Variants in RBFOX1 observed in about 807,000 individuals in gnomAD.
RBFOX1 encodes the protein RNA binding fox-1 homolog 1, also known as RNA binding protein fox-1 homolog 1.
A neutral mutation model predicts 57.7 loss-of-function variants in RBFOX1; 8 were observed. The observed-to-expected ratio is 0.14, with a 90% CI of 0.08 to 0.25. The LOEUF (loss-of-function observed/expected upper bound fraction) is 0.25, where lower values mean the gene tolerates loss of function less well. Among genes scored for constraint, RBFOX1 ranks in the 10% least tolerant of loss-of-function variants. The probability of loss-of-function intolerance (pLI) is 1.00; values close to 1 mark genes in which losing one functional copy is unlikely to be tolerated. For missense variants in RBFOX1, 611 were observed against 548.5 expected (o/e 1.11, Z -1.14); for synonymous variants, 326 against 222.4 (o/e 1.47, Z -4.15).
At chr16:5,875,293 A>G (rs1331711604) in intron 4 of RBFOX1, among the ~76,000 whole-genome samples, 1 of 152,222 alleles carries the variant, frequency 6.6e-6, no homozygotes, top group Non-Finnish European at 1.5e-5. Flanking sequence ...AACTTACTCA[A>G]AAATAGTGGG....
At chr16:7,286,047 G>A (rs1311239971) in intron 4 of RBFOX1, among the ~76,000 whole-genome samples, 1 of 152,030 alleles carries the variant, frequency 6.6e-6, no homozygotes, top group Non-Finnish European at 1.5e-5. Context: ...CAGCATACTG[G>A]GAACACTGTA....
chr16:6,655,392 AAAAAAAAAAAAGAG>A (rs2098642077), intron 3 of RBFOX1, among the ~76,000 whole-genome samples: 1 of 137,452 alleles, frequency 7.3e-6, no homozygotes, highest in Non-Finnish European at 1.6e-5. Context: ...AAAAAAAAAA[AAAAAAAAAAAAGAG>A]CTCGCGCTCA....
At chr16:5,446,433 C>T (rs28734822) in intron 1 of RBFOX1, among the ~76,000 whole-genome samples, 28,596 of 151,996 alleles carry the variant, frequency 0.19, 3,173 homozygotes, top group African/African-American at 0.31. Context: ...CTCAGTTTAT[C>T]TCAAAGAATT....
chr16:7,673,714 A>G (rs924643902), intron 13 of RBFOX1, among the ~76,000 whole-genome samples: 5 of 152,222 alleles, frequency 3.3e-5, no homozygotes, highest in African/African-American at 1.2e-4. Context: ...AAGATGCACA[A>G]TGACAATTTG....
chr16:5,345,642 T>C (rs747529349), intron 1 of RBFOX1, among the ~76,000 whole-genome samples: 7 of 152,216 alleles, frequency 4.6e-5, no homozygotes, highest in Non-Finnish European at 7.3e-5. Flanking sequence ...CTCGTTGGGC[T>C]TCTTAAACAC....
At chr16:6,926,906 C>A (rs544803910) in intron 3 of RBFOX1, among the ~76,000 whole-genome samples, 1 of 152,278 alleles carries the variant, frequency 6.6e-6, no homozygotes, top group African/African-American at 2.4e-5. Flanking sequence ...CAGGTACTCC[C>A]TCAGGGCCTG....
At chr16:7,304,403 C>T (rs1000621768) in intron 4 of RBFOX1, 5 of 985,286 alleles carry the variant, frequency 5.1e-6, no homozygotes, top group African/African-American at 1.7e-5. Context: ...CATCCTCTGA[C>T]GGGGGCCACC....
intron 2 of RBFOX1, among the ~76,000 whole-genome samples, chr16:5,566,716 A>T (rs997811474): frequency 5.3e-5 from 8 of 151,980 alleles, no homozygotes; most frequent in Admixed American, 6.6e-5. Context: ...ATATATCCTA[A>T]TATGGACAAA....
intron 3 of RBFOX1, among the ~76,000 whole-genome samples, chr16:5,659,718 C>G (rs1398207523): frequency 6.6e-6 from 1 of 152,130 alleles, no homozygotes; most frequent in Non-Finnish European, 1.5e-5. Context: ...TTTACATGAA[C>G]TCTAACTGAT....
chr16:5,763,694 T>G (rs2053668440), intron 3 of RBFOX1, among the ~76,000 whole-genome samples: 1 of 152,210 alleles, frequency 6.6e-6, no homozygotes, highest in African/African-American at 2.4e-5. Flanking sequence ...AAAAGCGATT[T>G]AGCCCCAACG....
At chr16:5,250,778 A>T (rs1359831502) in intron 1 of RBFOX1, among the ~76,000 whole-genome samples, 1 of 152,130 alleles carries the variant, frequency 6.6e-6, no homozygotes, top group Non-Finnish European at 1.5e-5. Flanking sequence ...CCCTGCACCG[A>T]TACGTCTGTG....
intron 2 of RBFOX1, among the ~76,000 whole-genome samples, chr16:6,342,338 G>A (rs1351957002): frequency 2.0e-5 from 3 of 152,160 alleles, no homozygotes; most frequent in Non-Finnish European, 4.4e-5. Flanking sequence ...AGGGAGAATT[G>A]ACATGAATTA....
intron 4 of RBFOX1, among the ~76,000 whole-genome samples, chr16:7,425,237 ATGCGGATTTACAACACAC>A (rs1270658767): frequency 1.3e-5 from 2 of 152,232 alleles, no homozygotes; most frequent in African/African-American, 4.8e-5. Flanking sequence ...CATTTACAGC[ATGCGGATTTACAACACAC>A]TGAATGAGAG....
At chr16:7,173,816 A>G (rs952753369) in intron 4 of RBFOX1, among the ~76,000 whole-genome samples, 2 of 152,248 alleles carry the variant, frequency 1.3e-5, no homozygotes, top group African/African-American at 4.8e-5. Context: ...TCCCAATGTC[A>G]TACAACTGTT....
intron 1 of RBFOX1, among the ~76,000 whole-genome samples, chr16:6,164,389 G>C (rs1345275312): frequency 6.6e-6 from 1 of 151,758 alleles, no homozygotes; most frequent in African/African-American, 2.4e-5. Context: ...GTATCCTGAG[G>C]AATCTTGCAT....
rs1568551973 is a variant in RBFOX1, at chr16:7,052,092, G to C, written c.21G>C (p.Gln7His). ...AACAGATGAATTGTGAAAGAGAGCA[G>C]CTAAGGGTAGGTGCACCTGCTTGTA... MNCERE[Q>H]LRGNQEAAAA... Residue 7 changes from glutamine (Q) to histidine (H), a missense_variant, in exon 4 of 16, where the codon CAG becomes CAC. Gln to His is a conservative substitution (Grantham distance 24). Transcript: ENST00000550418. 6.2e-7 allele frequency: 1 copy of C among 1,609,394 alleles called. No homozygotes were observed. Among genetic ancestry groups the C allele is most frequent in the Non-Finnish European group, 8.5e-7 (1 of 1,178,730 alleles).
intron 4 of RBFOX1, among the ~76,000 whole-genome samples, chr16:7,133,140 G>T (rs2070982936): frequency 6.6e-6 from 1 of 152,144 alleles, no homozygotes. Flanking sequence ...TTAATACCAA[G>T]ATCCATGACC....
chr16:6,315,135 C>T (rs185877449), intron 1 of RBFOX1, among the ~76,000 whole-genome samples: 14 of 152,238 alleles, frequency 9.2e-5, no homozygotes, highest in Non-Finnish European at 1.8e-4. Context: ...TAATATTCAC[C>T]TGAATTCCTT....
At chr16:5,525,270 G>A (rs1024604135) in intron 2 of RBFOX1, among the ~76,000 whole-genome samples, 5 of 152,168 alleles carry the variant, frequency 3.3e-5, no homozygotes, top group Admixed American at 1.3e-4. Context: ...GAAGACATGG[G>A]GAGTAATAAT....
Sources: allele counts gnomAD v4.1 joint callset (sites outside exome capture counted in the v4.1 genomes callset), GRCh38; gene constraint gnomAD v4.1.1; transcripts MANE v1.5; gene names NCBI Gene and HGNC (gene_info 2026-07-23, HGNC 2026-07-21).